The following SPO11 variants were observed in gnomAD, a reference collection of about 807,000 sequenced individuals.
SPO11 encodes meiotic recombination protein SPO11.
A neutral mutation model predicts 51.6 loss-of-function variants in SPO11; 49 were observed. The observed-to-expected ratio is 0.95, with a 90% CI of 0.75 to 1.20. SPO11 has a LOEUF of 1.20. SPO11 is among the 50% of genes most tolerant of loss of function. SPO11 has a pLI of 0.00. For synonymous variants in SPO11, 176 were observed against 158.2 expected (o/e 1.11, Z -0.84); for missense variants, 431 against 473.4 (o/e 0.91, Z 0.83).
chr20:57,335,384 C>CT, intron 6 of SPO11, 35 bp from the exon 7 acceptor site: 1 of 1,573,992 alleles, frequency 6.4e-7, no homozygotes, highest in Non-Finnish European at 8.6e-7. Context: ...GGTTATTTTG[C>CT]TTTTTATGTA....
At chr20:57,335,940 C>A in intron 8 of SPO11, 33 bp downstream of exon 8, 2 of 1,192,610 alleles carry the variant, frequency 1.7e-6, no homozygotes, top group Non-Finnish European at 2.5e-6. Flanking sequence ...AATTCCAAGA[C>A]TAATGTATAC....
chr20:57,336,016 C>T (rs1022890199), intron 8 of SPO11, 109 bp downstream of exon 8: 75 of 627,604 alleles, frequency 1.2e-4, no homozygotes, highest in Non-Finnish European at 1.5e-4. Context: ...CAATATAATG[C>T]ATCCTTTGGG....
At chr20:57,332,451 A>C (rs6064528) in intron 2 of SPO11, among the ~76,000 whole-genome samples, 8,154 of 152,304 alleles carry the variant, frequency 0.054, 542 homozygotes, top group African/African-American at 0.16. Context: ...AAAAAGGGTA[A>C]AATCAGCAAA....
At chr20:57,339,934 C>G (rs1233034995) in intron 10 of SPO11, among the ~76,000 whole-genome samples, 168 bp from the exon 11 acceptor site, 1 of 152,190 alleles carries the variant, frequency 6.6e-6, no homozygotes, top group Non-Finnish European at 1.5e-5. Context: ...CACTAAAAGC[C>G]CAGCTTAGCA....
At chr20:57,330,112 C>A in intron 1 of SPO11, 114 bp downstream of exon 1, 1 of 1,379,664 alleles carries the variant, frequency 7.2e-7, no homozygotes, top group Non-Finnish European at 9.5e-7. Context: ...CCTTGGCGGG[C>A]CAGCCAGGAA....
At chr20:57,334,279 C>T (rs1040886460) in intron 5 of SPO11, among the ~76,000 whole-genome samples, 184 bp downstream of exon 5, 2 of 152,022 alleles carry the variant, frequency 1.3e-5, no homozygotes, top group African/African-American at 2.4e-5. Context: ...CTCAGCCTCC[C>T]GAGTAGCTGG....
intron 12 of SPO11, 27 bp from the exon 13 acceptor site, chr20:57,343,309 CTGGTA>C: frequency 6.3e-7 from 1 of 1,595,660 alleles, no homozygotes; most frequent in Non-Finnish European, 8.5e-7. Context: ...ACTAAGAACT[CTGGTA>C]TGAGTACATT....
intron 7 of SPO11, 66 bp from the exon 8 acceptor site, chr20:57,335,732 C>A: frequency 4.0e-6 from 4 of 999,600 alleles, no homozygotes; most frequent in Non-Finnish European, 6.2e-6. Context: ...CTATATGGCA[C>A]CTTAATTTAG....
chr20:57,343,625 T>C lies in SPO11; in HGVS notation c.*165T>C, dbSNP rs2066610225. On this transcript the variant is annotated 3_prime_UTR_variant, in exon 13 of 13. Coordinates refer to ENST00000371263, the MANE Select transcript of SPO11 (RefSeq NM_012444.3). ...ATTTTTGTCAAAACAAATGCTGTAC[T>C]CCAATTTTCTTTGCAAGGCCTTATT... 1.3e-6 allele frequency: 1 copy of C among 751,374 alleles called. No homozygotes were observed. The highest frequency in any genetic ancestry group is 4.0e-5 in the Admixed American group (1 of 24,698). The allele number at this position is 751,374 out of a possible 1,614,324, so 46.5% of individuals were successfully genotyped here.
rs756400544 is a variant in SPO11 at position 57,334,818 on chromosome 20, T to C, written c.579T>C (p.Asn193=). 1.6e-5 allele frequency: 26 copies of C among 1,613,760 alleles called. No individual in the cohort carries two copies. In the East Asian group the frequency reaches 5.6e-4, roughly 35 times the overall value. The change falls in exon 6 of 13, where the codon AAT becomes AAC. Residue 193 remains asparagine (N), a synonymous_variant. Transcript: ENST00000371263. The part of the protein sequence containing the change: ...RYIEEDGTKV[N]CTCGATAVAV... Reference sequence around the variant, plus strand: ...TCGAGGAAGATGGCACCAAAGTGAATTGTACCTGTGGTGCAACGGTAAGAA... The same window carrying C: ...TCGAGGAAGATGGCACCAAAGTGAACTGTACCTGTGGTGCAACGGTAAGAA...
At chr20:57,333,313 T>C (rs767802376) in intron 3 of SPO11, 37 bp downstream of exon 3, 1 of 1,468,324 alleles carries the variant, frequency 6.8e-7, no homozygotes, top group Admixed American at 2.2e-5. Context: ...TAATAAAGGA[T>C]AAATAAATTT....
intron 8 of SPO11, among the ~76,000 whole-genome samples, chr20:57,336,673 T>C (rs1000372374): frequency 5.3e-5 from 8 of 152,136 alleles, no homozygotes; most frequent in African/African-American, 1.9e-4. Context: ...TCGAGGGCCA[T>C]ATTAGGAAGA....
intron 2 of SPO11, among the ~76,000 whole-genome samples, 169 bp downstream of exon 2, chr20:57,332,115 T>C (rs150719853): frequency 5.9e-4 from 90 of 152,272 alleles, no homozygotes; most frequent in Middle Eastern, 3.4e-3. Flanking sequence ...TTATGTAAAC[T>C]AGAAGTAGGT....
intron 10 of SPO11, 70 bp downstream of exon 10, chr20:57,339,096 ATT>A: frequency 9.2e-7 from 1 of 1,087,684 alleles, no homozygotes; most frequent in Non-Finnish European, 1.3e-6. Flanking sequence ...TGATTTCTGC[ATT>A]TATTAATCAC....
At chr20:57,339,770 ACT>A (rs2066557736) in intron 10 of SPO11, among the ~76,000 whole-genome samples, 1 of 152,152 alleles carries the variant, frequency 6.6e-6, no homozygotes, top group Non-Finnish European at 1.5e-5. Context: ...ACAGGGTCTC[ACT>A]CTGTCATCCA....
chr20:57,333,639 CAGTA>C (rs1363878168), intron 3 of SPO11, 44 bp from the exon 4 acceptor site: 3 of 981,768 alleles, frequency 3.1e-6, no homozygotes, highest in Non-Finnish European at 3.2e-6. Context: ...TCTTTTGAAT[CAGTA>C]AGAGAAATGA....
chr20:57,332,370 G>C (rs1352268709), intron 2 of SPO11, among the ~76,000 whole-genome samples: 1 of 152,160 alleles, frequency 6.6e-6, no homozygotes, highest in Non-Finnish European at 1.5e-5. Flanking sequence ...CAAAATAAAA[G>C]TATCCTGAAC....
intron 9 of SPO11, 68 bp downstream of exon 9, chr20:57,338,443 C>T (rs2066539890): frequency 5.8e-6 from 7 of 1,209,048 alleles, no homozygotes; most frequent in Non-Finnish European, 8.2e-6. Flanking sequence ...GTGTTTTCTT[C>T]CTCTTTTTTT....
intron 1 of SPO11, among the ~76,000 whole-genome samples, chr20:57,331,101 C>T (rs1311722186): frequency 4.6e-5 from 7 of 152,200 alleles, no homozygotes; most frequent in Admixed American, 1.3e-4. Flanking sequence ...AGACAATAAG[C>T]TCATGGTGTT....
Sources: gnomAD v4.1 joint callset for allele counts (sites outside exome capture counted in the v4.1 genomes callset) on GRCh38, gnomAD v4.1.1 for gene constraint, MANE v1.5 for transcripts, NCBI Gene and HGNC (gene_info 2026-07-23, HGNC 2026-07-21) for gene names.